MMADHC: variants seen among roughly 807,000 people sequenced by gnomAD.
The protein encoded by MMADHC is metabolism of cobalamin associated D, also known as cobalamin trafficking protein CblD.
In MMADHC, 23 loss-of-function variants were observed where a neutral mutation model predicts 36.3. That is an observed-to-expected ratio of 0.63 (90% confidence interval 0.46 to 0.90). The LOEUF (loss-of-function observed/expected upper bound fraction) is 0.90. MMADHC is among the 40% of genes least tolerant of loss of function. The pLI is 0.00. For missense variants in MMADHC, 330 were observed against 348.0 expected, an observed-to-expected ratio of 0.95 and a Z score of 0.41; for synonymous variants, 97 against 116.1, an observed-to-expected ratio of 0.84 and a Z score of 1.06.
chr2:149,576,025 T>C (rs1185976253), intron 5 of MMADHC, among the ~76,000 whole-genome samples, 184 bp from the exon 6 acceptor site: 1 of 152,210 alleles, frequency 6.6e-6, no homozygotes, highest in Admixed American at 6.5e-5. Flanking sequence ...TTTTGTTTAC[T>C]TCTGCTTTTG....
intron 6 of MMADHC, chr2:149,572,311 C>T (rs916719805): frequency 2.2e-4 from 57 of 261,238 alleles, no homozygotes; most frequent in African/African-American, 1.2e-3. Flanking sequence ...AGCACTCCGG[C>T]CTGGGCGAGA....
At chr2:149,575,117 GT>G (rs1682694328) in intron 6 of MMADHC, among the ~76,000 whole-genome samples, 1 of 152,038 alleles carries the variant, frequency 6.6e-6, no homozygotes, top group Non-Finnish European at 1.5e-5. Context: ...AAATTAAAAA[GT>G]TTATGGTTTA....
intron 7 of MMADHC, 76 bp from the exon 8 acceptor site, chr2:149,570,244 C>G: frequency 8.3e-7 from 1 of 1,203,718 alleles, no homozygotes; most frequent in Non-Finnish European, 1.2e-6. Flanking sequence ...AACATGAACA[C>G]CTATCTACTT....
intron 7 of MMADHC, among the ~76,000 whole-genome samples, chr2:149,570,793 CATATAAA>C (rs1197957031): frequency 2.0e-5 from 3 of 152,082 alleles, no homozygotes; most frequent in African/African-American, 7.2e-5. Flanking sequence ...TAATTTTCAA[CATATAAA>C]ATAAACACAC....
intron 1 of MMADHC, 167 bp from the exon 2 acceptor site, chr2:149,587,316 G>A (rs367782895): frequency 1.6e-6 from 1 of 608,670 alleles, no homozygotes. Flanking sequence ...GCCAGGCACA[G>A]ATCCCCCAGC....
intron 6 of MMADHC, among the ~76,000 whole-genome samples, chr2:149,571,916 T>C (rs1682646270): frequency 6.6e-6 from 1 of 152,224 alleles, no homozygotes; most frequent in African/African-American, 2.4e-5. Flanking sequence ...AGTATACATC[T>C]ATCTACTCAC....
rs1432419299 is a variant in MMADHC at position 149,575,820 on chromosome 2, T to C, written c.500A>G (p.Glu167Gly). 1 of 1,603,468 alleles carries C rather than the reference T, an allele frequency of 6.2e-7. No individual in the cohort carries two copies. The highest frequency in any genetic ancestry group is 8.5e-7 in the Non-Finnish European group (1 of 1,171,766). ...LRKDFESLFP[E>G]VANGKLMILT... is the part of the protein sequence containing the mutation. ...AATCATTAGTTTGCCATTAGCTACT[T>C]CTGGAAACAGTGATTCAAAATCTAC... The change falls in exon 6 of 8, where the codon GAA (glutamate) becomes GGA (glycine). Residue 167 changes from glutamate to glycine, a missense_variant. Coordinates refer to ENST00000303319, the MANE Select transcript of MMADHC (RefSeq NM_015702.3).
intron 6 of MMADHC, among the ~76,000 whole-genome samples, chr2:149,574,978 G>T (rs1682692737): frequency 6.6e-6 from 1 of 152,040 alleles, no homozygotes; most frequent in African/African-American, 2.4e-5. Flanking sequence ...TTTTTTTGTA[G>T]AGACAGGGTC....
rs114487951 is a variant in MMADHC, at chr2:149,579,686, T to C, written c.155-38A>G. ...AACAAAAGGAACAGTTTCTCCTTAA[T>C]AGTCAAGTATATTGGTAGACTGAAA... On this transcript the variant is annotated intron_variant, in intron 3 of 7. Coordinates refer to ENST00000303319, the MANE Select transcript of MMADHC (RefSeq NM_015702.3). 2,481 of 1,510,694 alleles carry C rather than the reference T, an allele frequency of 1.6e-3. 35 individuals are homozygous for C. The African/African-American group carries it at 0.03, about 18-fold the overall frequency. The allele number at this position is 1,510,694 out of a possible 1,614,324, so 93.6% of individuals were successfully genotyped here.
intron 6 of MMADHC, 98 bp downstream of exon 6, chr2:149,575,613 A>T: frequency 9.5e-7 from 1 of 1,049,286 alleles, no homozygotes; most frequent in East Asian, 2.5e-5. Context: ...CAGAAAATGA[A>T]TAAAGGGTGG....
chr2:149,576,361 C>CA, intron 5 of MMADHC, 76 bp downstream of exon 5: 2 of 1,012,614 alleles, frequency 2.0e-6, no homozygotes, highest in South Asian at 2.6e-5. Context: ...TACAGCGTTC[C>CA]AATTTCTATA....
chr2:149,573,363 A>G (rs12472482), intron 6 of MMADHC, among the ~76,000 whole-genome samples: 2,119 of 152,314 alleles, frequency 0.014, 29 homozygotes, highest in Middle Eastern at 0.017. Flanking sequence ...CCTGTAAGGA[A>G]AGTAACTTTG....
At chr2:149,579,179 G>A (rs1171018225) in intron 4 of MMADHC, among the ~76,000 whole-genome samples, 1 of 151,756 alleles carries the variant, frequency 6.6e-6, no homozygotes, top group East Asian at 1.9e-4. Context: ...TATATCTAGA[G>A]TAGTTACTTA....
At chr2:149,571,910 T>C (rs1201765724) in intron 6 of MMADHC, among the ~76,000 whole-genome samples, 1 of 152,216 alleles carries the variant, frequency 6.6e-6, no homozygotes, top group Non-Finnish European at 1.5e-5. Context: ...TCCTTCAGTA[T>C]ACATCTATCT....
At chr2:149,570,997 TTAATC>T (rs1682630217) in intron 7 of MMADHC, 83 bp downstream of exon 7, 4 of 1,135,414 alleles carry the variant, frequency 3.5e-6, no homozygotes, top group East Asian at 2.5e-5. Context: ...TTAAAAAGTC[TTAATC>T]TATTACCAAA....
intron 6 of MMADHC, among the ~76,000 whole-genome samples, chr2:149,574,974 T>C (rs1384516179): frequency 6.6e-6 from 1 of 152,080 alleles, no homozygotes; most frequent in Non-Finnish European, 1.5e-5. Flanking sequence ...TAATTTTTTT[T>C]GTAGAGACAG....
chr2:149,585,037 C>T (rs13408154), intron 2 of MMADHC, among the ~76,000 whole-genome samples: 2,189 of 140,464 alleles, frequency 0.016, 55 homozygotes, highest in African/African-American at 0.054. Context: ...AGTGAAACTC[C>T]GTCTCAAAAA....
chr2:149,577,210 T>A (rs908602114), intron 4 of MMADHC, among the ~76,000 whole-genome samples: 1 of 152,186 alleles, frequency 6.6e-6, no homozygotes, highest in African/African-American at 2.4e-5. Context: ...CTGGGAGGAA[T>A]CAGGAAATGA....
At position 149,571,097 on chromosome 2, in the gene MMADHC, T is replaced by C. The variant is rs766184567; in HGVS notation, c.684A>G (p.Ser228=). 5 of 1,611,228 alleles carry C rather than the reference T, an allele frequency of 3.1e-6. No individual in the cohort carries two copies. Among genetic ancestry groups the C allele is most frequent in the East Asian group, 2.2e-5 (1 of 44,764 alleles). Residue 228 remains serine, a synonymous_variant, in exon 7 of 8, where the codon TCA becomes TCG. Transcript: ENST00000303319. ...GATAATTACTCACTGCCAAACCAGA[T>C]GATGGGTCAATAAAGTCAGCCCAAT... ...EGYWADFIDP[S]SGLAFFGPYT...
Sources: allele counts gnomAD v4.1 joint callset (sites outside exome capture counted in the v4.1 genomes callset), GRCh38; gene constraint gnomAD v4.1.1; transcripts MANE v1.5; gene names NCBI Gene and HGNC (gene_info 2026-07-23, HGNC 2026-07-21).